Variants in NAV1 observed in about 807,000 individuals in gnomAD.
NAV1 encodes the protein pore membrane and/or filament interacting like protein 3.
Under a neutral mutation model 175.2 loss-of-function variants are expected in NAV1, and 18 were observed. The ratio of observed to expected loss-of-function variants is 0.10; its 90% confidence interval spans 0.07 to 0.15. The LOEUF (loss-of-function observed/expected upper bound fraction) is 0.15, where lower values mean the gene tolerates loss of function less well. Ranked by LOEUF, NAV1 falls within the 10% of genes least tolerant of loss-of-function variation. NAV1 has a pLI of 1.00. For missense variants in NAV1, 1,731 were observed against 2,436.6 expected (o/e 0.71, Z 6.10); for synonymous variants, 897 against 978.7 (o/e 0.92, Z 1.56).
Position 201,623,017 on chromosome 1 carries a change from G to A in NAV1, c.-690G>A, listed in dbSNP as rs1017020650. 4 of 985,958 alleles carry A rather than the reference G, an allele frequency of 4.1e-6. No individual in the cohort carries two copies. The African/African-American group carries it at 5.2e-5, about 13-fold the overall frequency. 61.1% of individuals were successfully genotyped at this position (985,958 alleles called of 1,614,324 possible). A position where few individuals can be genotyped will look rare whatever the true frequency, so the allele number is the denominator to read the frequency against. Reference sequence around the variant, plus strand: ...TCCCCAGCTGCGGCCACGCCAGGCCGGCCTGGCCCTGAGCCCACAGAGAGC... The same window carrying A: ...TCCCCAGCTGCGGCCACGCCAGGCCAGCCTGGCCCTGAGCCCACAGAGAGC... On this transcript the variant is annotated 5_prime_UTR_variant, in exon 1 of 30. Coordinates refer to the NAV1 transcript ENST00000367302.
chr1:201,712,851 T>C (rs1269448596), exon 2 of NAV1: 1 of 1,614,032 alleles, frequency 6.2e-7, no homozygotes, highest in South Asian at 1.1e-5. Flanking sequence ...CAGTGCAGAA[T>C]GTCCTGGATC....
chr1:201,745,873 C>T (rs1457637208), intron 3 of NAV1, among the ~76,000 whole-genome samples: 1 of 152,150 alleles, frequency 6.6e-6, no homozygotes, highest in African/African-American at 2.4e-5. Flanking sequence ...GGCTTTGTCA[C>T]TCATGTTACA....
At chr1:201,646,003 G>C (rs1177029810), upstream of NAV1, among the ~76,000 whole-genome samples, 1 of 152,240 alleles carries the variant, frequency 6.6e-6, no homozygotes, top group African/African-American at 2.4e-5. Context: ...GGTAGGAAGA[G>C]CATGGTCATG....
intron 5 of NAV1, 148 bp downstream of exon 9, chr1:201,781,457 G>A (rs1164217945): frequency 5.1e-6 from 4 of 778,088 alleles, no homozygotes; most frequent in Admixed American, 6.7e-5. Context: ...GGACAGTCCC[G>A]TGAGTTAGGA....
At chr1:201,663,951 A>G (rs1669714425) in intron 1 of NAV1, among the ~76,000 whole-genome samples, 1 of 152,184 alleles carries the variant, frequency 6.6e-6, no homozygotes, top group Admixed American at 6.5e-5. Context: ...TTTCCTGTTG[A>G]AATTGTATCT....
At chr1:201,643,003 T>C (rs892917056) in intron 2 of NAV1, among the ~76,000 whole-genome samples, 2 of 151,022 alleles carry the variant, frequency 1.3e-5, no homozygotes, top group African/African-American at 2.5e-5. Flanking sequence ...CTCAATCTCC[T>C]GACCTCGTGA....
intron 2 of NAV1, among the ~76,000 whole-genome samples, chr1:201,589,059 G>C (rs1389557749): frequency 6.6e-6 from 1 of 151,964 alleles, no homozygotes; most frequent in Non-Finnish European, 1.5e-5. Context: ...TATCGGTCAG[G>C]CTGGTCTCAA....
chr1:201,699,000 A>T (rs941274336), intron 1 of NAV1, among the ~76,000 whole-genome samples: 1 of 152,252 alleles, frequency 6.6e-6, no homozygotes, highest in Non-Finnish European at 1.5e-5. Flanking sequence ...AAAGGCAAAC[A>T]CTTTATAGAA....
intron 1 of NAV1, among the ~76,000 whole-genome samples, chr1:201,682,177 C>T (rs1346888866): frequency 2.7e-5 from 4 of 150,804 alleles, no homozygotes; most frequent in Non-Finnish European, 4.4e-5. Context: ...TCCCAGCTAC[C>T]TGGGAGGCTG....
At chr1:201,681,101 T>G (rs1172494931) in intron 1 of NAV1, among the ~76,000 whole-genome samples, 1 of 152,160 alleles carries the variant, frequency 6.6e-6, no homozygotes, top group Non-Finnish European at 1.5e-5. Flanking sequence ...GCCTTCCTAA[T>G]GCACAGCTGA....
chr1:201,723,727 C>T (rs1672488802), intron 3 of NAV1: 1 of 152,200 alleles, frequency 6.6e-6, no homozygotes, highest in South Asian at 2.1e-4. Context: ...GACAGACAGT[C>T]TTTCATCCTT....
Position 201,808,762 on chromosome 1 carries a change from A to G in NAV1, c.4098A>G (p.Ser1366=). The change falls in exon 20 of 30, where the codon TCA becomes TCG. Residue 1366 remains serine, a synonymous_variant. Transcript: ENST00000367296. This position sits in a 1 kb window ranked among gnomAD's most constrained non-coding sequence, Gnocchi z 5.5. ...GACTGAAGGTAGCCCCAGGCCCCTCATCAGGCTCCACTCCAGGGCAGGTCC... is the reference window on the plus strand; with the variant it reads ...GACTGAAGGTAGCCCCAGGCCCCTCGTCAGGCTCCACTCCAGGGCAGGTCC... 2 of 1,614,190 alleles carry G rather than the reference A, an allele frequency of 1.2e-6. No homozygotes were observed. Among genetic ancestry groups the G allele is most frequent in the Non-Finnish European group, 1.7e-6 (2 of 1,180,042 alleles).
intron 1 of NAV1, among the ~76,000 whole-genome samples, chr1:201,578,898 C>T (rs1386725280): frequency 2.0e-5 from 3 of 152,018 alleles, no homozygotes; most frequent in Non-Finnish European, 2.9e-5. Flanking sequence ...TTTGGGAGGC[C>T]GAGGTGAGTG....
rs145842507 is a variant in NAV1 at position 201,633,045 on chromosome 1, G to A, written c.4+3538G>A. On this transcript the variant is annotated intron_variant, in intron 2 of 29. Coordinates refer to the NAV1 transcript ENST00000367302. The stretch of plus-strand genomic sequence containing the variant: ...AGTATTCCTGGACTACAAATGACTT[G>A]CATCAAAGAACATAGGAAGTCAAAG... 4.6e-5 allele frequency among the ~76,000 whole-genome samples: 7 copies of A among 152,246 alleles called. No individual in the cohort carries two copies. In the East Asian group the frequency reaches 1.4e-3, roughly 29 times the overall value.
intron 3 of NAV1, among the ~76,000 whole-genome samples, chr1:201,779,023 G>A (rs1676132588): frequency 6.6e-6 from 1 of 152,182 alleles, no homozygotes; most frequent in Non-Finnish European, 1.5e-5. Context: ...ATGTATAGCA[G>A]TCTTACTGAA....
chr1:201,651,651 C>G (rs1669208968), intron 1 of NAV1, among the ~76,000 whole-genome samples: 1 of 152,148 alleles, frequency 6.6e-6, no homozygotes, highest in Non-Finnish European at 1.5e-5. Context: ...CTCCTGAGGA[C>G]TAAGTCGCAG....
intron 3 of NAV1, among the ~76,000 whole-genome samples, chr1:201,764,571 G>T (rs1269433596): frequency 6.6e-6 from 1 of 152,084 alleles, no homozygotes; most frequent in Admixed American, 6.5e-5. Flanking sequence ...ACAGTCACTG[G>T]GAGTTACAGC....
chr1:201,655,324 G>C (rs575224569), intron 1 of NAV1, among the ~76,000 whole-genome samples: 3 of 152,278 alleles, frequency 2.0e-5, no homozygotes, highest in African/African-American at 7.2e-5. Context: ...AGCCAACAAG[G>C]GGAAATGGAC....
intron 3 of NAV1, among the ~76,000 whole-genome samples, chr1:201,774,275 C>T (rs1477882168): frequency 1.3e-5 from 2 of 152,180 alleles, no homozygotes; most frequent in African/African-American, 4.8e-5. Context: ...TGAGCCCTGT[C>T]CTCTTTACTT....
Sources: gnomAD v4.1 joint callset for allele counts (sites outside exome capture counted in the v4.1 genomes callset) on GRCh38, gnomAD v4.1.1 for gene constraint, Gnocchi (gnomAD v3.1) non-coding constraint, MANE v1.5 for transcripts, NCBI Gene and HGNC (gene_info 2026-07-23, HGNC 2026-07-21) for gene names.